Variants in PRC1 observed in about 807,000 individuals in gnomAD.
PRC1 encodes the protein protein regulator of cytokinesis 1, also known as anaphase spindle elongation 1 homolog.
In PRC1, 54 loss-of-function variants were observed where a neutral mutation model predicts 91.2. That is an observed-to-expected ratio of 0.59 (90% CI 0.48 to 0.74). The LOEUF is 0.74. Ranked by LOEUF, PRC1 falls within the 30% of genes least tolerant of loss-of-function variation. The pLI, the probability that PRC1 is intolerant of heterozygous loss-of-function variation, is 0.00. For synonymous variants in PRC1, 275 were observed against 263.6 expected, an observed-to-expected ratio of 1.04 and a Z score of -0.42; for missense variants, 727 against 746.2, an observed-to-expected ratio of 0.97 and a Z score of 0.30.
rs753186118 is a variant in PRC1, at chr15:90,984,506, G to A, written c.144+187C>T. 9.9e-5 allele frequency among the ~76,000 whole-genome samples: 15 copies of A among 152,106 alleles called. No homozygotes were observed. Among genetic ancestry groups the A allele is most frequent in the Non-Finnish European group, 1.9e-4 (13 of 68,016 alleles). On this transcript the variant is annotated intron_variant, in intron 2 of 14. Transcript: ENST00000394249. This position sits in a 1 kb window ranked among gnomAD's most constrained non-coding sequence, Gnocchi z 5.1. ...GGCCTCCCAAAGTGCTGGGATTACA[G>A]GCATGAGCCACCGCACCCAGCCTCC... is the stretch of plus-strand genomic sequence containing the variant.
chr15:90,975,378 G>A (rs776395110), intron 9 of PRC1, among the ~76,000 whole-genome samples: 24 of 152,078 alleles, frequency 1.6e-4, no homozygotes, highest in African/African-American at 5.1e-4. Flanking sequence ...CACCACGCCC[G>A]GCCAGATTTA....
intron 11 of PRC1, among the ~76,000 whole-genome samples, chr15:90,971,283 A>G (rs2038101785): frequency 6.6e-6 from 1 of 152,186 alleles, no homozygotes; most frequent in African/African-American, 2.4e-5. Flanking sequence ...TATGCTAATG[A>G]TAAGAGCTGT....
chr15:90,989,687 T>A (rs926164904), intron 1 of PRC1, among the ~76,000 whole-genome samples: 2 of 150,494 alleles, frequency 1.3e-5, no homozygotes, highest in Non-Finnish European at 3.0e-5. Context: ...AAAAAAAAAA[T>A]ACAAATGGCC....
In PRC1 at chr15:90,980,290, A is replaced by C; in HGVS notation, c.922T>G (p.Cys308Gly). The C allele has an allele frequency of 6.2e-7, 1 of 1,613,958 alleles. No homozygotes were observed. The change falls in exon 7 of 15, where the codon TGC becomes GGC. Residue 308 changes from cysteine (C) to glycine (G), a missense_variant. Physicochemically the swap from Cys to Gly is radical, Grantham distance 159. Transcript: ENST00000394249. Reference protein sequence around the residue: ...RVELVQYWDQCFYSQEQRQAF... With the variant: ...RVELVQYWDQGFYSQEQRQAF... ...TGTCTCTGCTCCTGGCTATAAAAGC[A>C]CTGGTCCCAGTACTGAACCAGCTCC...
intron 14 of PRC1, chr15:90,967,665 A>C (rs1283722372): frequency 7.3e-6 from 2 of 274,290 alleles, no homozygotes; most frequent in Non-Finnish European, 1.1e-5. Flanking sequence ...TGCCTACAGT[A>C]TTCTTTCTGT....
intron 1 of PRC1, among the ~76,000 whole-genome samples, chr15:90,991,277 G>A (rs951193238): frequency 2.0e-5 from 3 of 151,496 alleles, no homozygotes; most frequent in African/African-American, 2.4e-5. Context: ...TTAGCTGGGC[G>A]TGGTAGTGGG....
At position 90,966,666 on chromosome 15, in the gene PRC1, G is replaced by T. The variant is rs1172738687; in HGVS notation, c.*465C>A. ...GAGGAAGGCTGTCCTGTGTGGTGGG[G>T]ACAAGGCTTCAGGTAAGAGCAAAGC... On this transcript the variant is annotated 3_prime_UTR_variant, in exon 15 of 15. Transcript: ENST00000394249. 2 of 456,132 alleles carry T rather than the reference G, an allele frequency of 4.4e-6. No homozygotes were observed. Among genetic ancestry groups the T allele is most frequent in the Non-Finnish European group, 8.8e-6 (2 of 227,004 alleles). The allele number at this position is 456,132 out of a possible 1,614,324, so 28.3% of individuals were successfully genotyped here.
At chr15:90,980,201 T>C (rs761184408) in intron 7 of PRC1, 41 bp downstream of exon 7, 17 of 1,550,480 alleles carry the variant, frequency 1.1e-5, no homozygotes, top group Non-Finnish European at 1.5e-5. Context: ...GTAAGACCTG[T>C]CTCCAAACAA....
rs778285093 is a variant in PRC1, at chr15:90,980,975, C to T, written c.731G>A (p.Arg244Gln). The T allele has an allele frequency of 8.7e-6, 14 of 1,614,152 alleles. No individual in the cohort carries two copies. The East Asian group carries it at 8.9e-5, about 10-fold the overall frequency. Residue 244 changes from arginine (R) to glutamine (Q), a missense_variant, in exon 6 of 15, where the codon CGA becomes CAA. By Grantham distance (43) the Arg-to-Gln change is conservative (BLOSUM62 1). Transcript: ENST00000394249. ...TATTTGCAACCTGTCCCAGAGCTCT[C>T]GGATTTGAGTACGCAGCCCCTCACA... Reference protein sequence around the residue: ...AVCEGLRTQIRELWDRLQIPE... With the variant: ...AVCEGLRTQIQELWDRLQIPE...
At chr15:90,976,134 G>A (rs1475305487) in intron 9 of PRC1, among the ~76,000 whole-genome samples, 1 of 152,130 alleles carries the variant, frequency 6.6e-6, no homozygotes, top group Admixed American at 6.6e-5. Flanking sequence ...TGTTGCCCAG[G>A]CTGGAGTGCA....
In PRC1 at chr15:90,967,795, C is replaced by T. The variant is rs2037651398; in HGVS notation, c.1792-593G>A. Reference sequence around the variant, plus strand: ...TGATATGTGCACAATGAAATTGCCCCACATTCTCAGAACATATCCCTGTCA... The same window carrying T: ...TGATATGTGCACAATGAAATTGCCCTACATTCTCAGAACATATCCCTGTCA... On this transcript the variant is annotated intron_variant, in intron 14 of 14. Coordinates refer to ENST00000394249, the MANE Select transcript of PRC1 (RefSeq NM_003981.4). The T allele has an allele frequency of 4.1e-6, 4 of 965,954 alleles. No individual in the cohort carries two copies. In the South Asian group the frequency reaches 1.4e-4, roughly 35 times the overall value. 59.8% of individuals were successfully genotyped at this position (965,954 alleles called of 1,614,324 possible). A position where few individuals can be genotyped will look rare whatever the true frequency, so the allele number is the denominator to read the frequency against.
Position 90,971,714 on chromosome 15 carries a change from G to A in PRC1, c.1462-1200C>T, listed in dbSNP as rs549522039. On this transcript the variant is annotated intron_variant, in intron 11 of 14. Transcript: ENST00000394249. Reference sequence around the variant, plus strand: ...CGTCTCTACTAAAAATACAAAATTAGGTGTGGTAGCACATGCCTGTAATCC... The same window carrying A: ...CGTCTCTACTAAAAATACAAAATTAAGTGTGGTAGCACATGCCTGTAATCC... Among the ~76,000 whole-genome samples the A allele has an allele frequency of 2.6e-5, 4 of 151,938 alleles. No homozygotes were observed. The South Asian group carries it at 8.3e-4, about 32-fold the overall frequency.
chr15:90,984,809 C>G lies in PRC1; in HGVS notation c.28G>C (p.Glu10Gln). 1 of 1,614,174 alleles carries G rather than the reference C, an allele frequency of 6.2e-7. No individual in the cohort carries two copies. The highest frequency in any genetic ancestry group is 8.5e-7 in the Non-Finnish European group (1 of 1,180,030). The stretch of plus-strand genomic sequence containing the variant: ...GCTTTCTGCAGACATACTATGGACT[C>G]CTCCGCCAGCACCTCACTGAAAACC... MRRSEVLAE[E>Q]SIVCLQKALN... The change falls in exon 2 of 15, where the codon GAG becomes CAG. Residue 10 changes from glutamate to glutamine, a missense_variant. Coordinates refer to ENST00000394249, the MANE Select transcript of PRC1 (RefSeq NM_003981.4). The surrounding 1 kb of genome is among the most constrained non-coding windows in gnomAD (Gnocchi z 5.1).
At chr15:90,967,639 CA>C (rs1567176425) in intron 14 of PRC1, 4 of 196,632 alleles carry the variant, frequency 2.0e-5, no homozygotes, top group Non-Finnish European at 3.8e-5. Context: ...TAGCCTGAAT[CA>C]AAAAAACCCA....
chr15:90,992,608 A>C (rs1378720415), intron 1 of PRC1, among the ~76,000 whole-genome samples: 1 of 152,206 alleles, frequency 6.6e-6, no homozygotes, highest in African/African-American at 2.4e-5. Context: ...GTATGATCTT[A>C]AGATGCTTCA....
In PRC1 at chr15:90,991,071, C is replaced by T. The variant is rs943996383; in HGVS notation, c.11+3336G>A. On this transcript the variant is annotated intron_variant, in intron 1 of 14. Coordinates refer to ENST00000394249, the MANE Select transcript of PRC1 (RefSeq NM_003981.4). ...GGATTACAGGCGTGAGCCACTGTGC[C>T]CGGCCCATAATCTGAAATGTTTTTG... Among the ~76,000 whole-genome samples the T allele has an allele frequency of 3.3e-5, 5 of 151,820 alleles. No individual in the cohort carries two copies. In the East Asian group the frequency reaches 7.8e-4, roughly 24 times the overall value.
chr15:90,993,543 T>C (rs968230632), intron 1 of PRC1, among the ~76,000 whole-genome samples: 3 of 152,214 alleles, frequency 2.0e-5, no homozygotes, highest in African/African-American at 7.2e-5. Flanking sequence ...TATTTAACGC[T>C]GTATCATCAG....
chr15:90,974,149 C>T lies in PRC1; in HGVS notation c.1448G>A (p.Gly483Asp), dbSNP rs201848723. ...CCTTGTGTTTACCTTACGTGCTTTG[C>T]CCGGTGTATTGGGAGCCAGTCCTCG... The part of the protein sequence containing the change: ...KRRGLAPNTP[G>D]KARKLNTTTM... Residue 483 changes from glycine to aspartate, a missense_variant, in exon 11 of 15, where the codon GGC (glycine) becomes GAC (aspartate). Physicochemically the swap from Gly to Asp is moderately conservative, Grantham distance 94 (BLOSUM62 -1). Transcript: ENST00000394249. The surrounding 1 kb of genome is among the most constrained non-coding windows in gnomAD (Gnocchi z 4.6). 2.5e-6 allele frequency: 4 copies of T among 1,613,888 alleles called. No individual in the cohort carries two copies. The highest frequency in any genetic ancestry group is 1.7e-4 in the Middle Eastern group (1 of 6,054).
chr15:90,981,288 C>T (rs1478534062), intron 5 of PRC1: 2 of 692,268 alleles, frequency 2.9e-6, no homozygotes, highest in African/African-American at 3.6e-5. Flanking sequence ...AATATTATTT[C>T]ATCTATAATT....
Sources: gnomAD v4.1 joint callset for allele counts (sites outside exome capture counted in the v4.1 genomes callset) on GRCh38, gnomAD v4.1.1 for gene constraint, Gnocchi (gnomAD v3.1) non-coding constraint, MANE v1.5 for transcripts, NCBI Gene and HGNC (gene_info 2026-07-23, HGNC 2026-07-21) for gene names.